ATP9A: variants seen among roughly 807,000 people sequenced by gnomAD.
ATP9A encodes probable phospholipid-transporting ATPase IIA.
ATP9A carries 52 observed loss-of-function variants against 144.1 expected under a neutral mutation model. That is an observed-to-expected ratio of 0.36 (90% confidence interval 0.29 to 0.45). The LOEUF is 0.45. Ranked by LOEUF, ATP9A falls within the 20% of genes least tolerant of loss-of-function variation. The pLI, the probability that ATP9A is intolerant of heterozygous loss-of-function variation, is 1.00. For missense variants in ATP9A, 947 were observed against 1,392.7 expected, an observed-to-expected ratio of 0.68 and a Z score of 5.09; for synonymous variants, 582 against 557.4, an observed-to-expected ratio of 1.04 and a Z score of -0.62.
At chr20:51,643,601 GGCCCTCA>G (rs1257164155) in intron 14 of ATP9A, among the ~76,000 whole-genome samples, 1 of 152,080 alleles carries the variant, frequency 6.6e-6, no homozygotes, top group Non-Finnish European at 1.5e-5. Flanking sequence ...CCAGGAAACA[GGCCCTCA>G]CCAGACACCA....
chr20:51,678,184 C>T, intron 9 of ATP9A, among the ~76,000 whole-genome samples: 1 of 151,976 alleles, frequency 6.6e-6, no homozygotes, highest in East Asian at 1.9e-4. Flanking sequence ...TCTCCATTCA[C>T]ATCATCTGAG....
chr20:51,678,421 G>T (rs2077486336), intron 9 of ATP9A, among the ~76,000 whole-genome samples: 1 of 152,166 alleles, frequency 6.6e-6, no homozygotes, highest in South Asian at 2.1e-4. Flanking sequence ...CCACGTCCTG[G>T]ACAAAGAGCC....
intron 9 of ATP9A, among the ~76,000 whole-genome samples, chr20:51,686,224 G>T (rs1439147146): frequency 6.6e-6 from 1 of 151,846 alleles, no homozygotes; most frequent in African/African-American, 2.4e-5. Flanking sequence ...CGTGGCGTGG[G>T]GGAGTGGGGA....
At chr20:51,754,589 A>T (rs1338296226) in intron 1 of ATP9A, among the ~76,000 whole-genome samples, 7 of 151,840 alleles carry the variant, frequency 4.6e-5, no homozygotes, top group African/African-American at 1.7e-4. Flanking sequence ...AAAAGTGGAC[A>T]AATCACCTGA....
intron 9 of ATP9A, among the ~76,000 whole-genome samples, chr20:51,683,228 A>G (rs1258682892): frequency 3.3e-5 from 5 of 152,108 alleles, no homozygotes; most frequent in Non-Finnish European, 5.9e-5. Flanking sequence ...CTAGGACCAA[A>G]GGCACACAAC....
intron 4 of ATP9A, among the ~76,000 whole-genome samples, chr20:51,698,407 C>T (rs569186026): frequency 2.0e-5 from 3 of 152,274 alleles, no homozygotes; most frequent in African/African-American, 7.2e-5. Context: ...CCTATAGTCC[C>T]GGCTATTCGA....
At chr20:51,619,185 C>A in intron 19 of ATP9A, 142 bp from the exon 20 acceptor site, 1 of 656,920 alleles carries the variant, frequency 1.5e-6, no homozygotes, top group Non-Finnish European at 2.7e-6. Flanking sequence ...AGAGGCAGCA[C>A]CAAATGGAAT....
intron 1 of ATP9A, among the ~76,000 whole-genome samples, chr20:51,760,155 C>G (rs777330983): frequency 6.6e-6 from 1 of 152,148 alleles, no homozygotes; most frequent in Non-Finnish European, 1.5e-5. Flanking sequence ...CACAGGAAGG[C>G]TGGGATGTGC....
intron 1 of ATP9A, among the ~76,000 whole-genome samples, chr20:51,732,148 G>C (rs149864736): frequency 6.6e-6 from 1 of 152,172 alleles, no homozygotes; most frequent in African/African-American, 2.4e-5. Flanking sequence ...AATCTGGGCT[G>C]CTCTGGCAAA....
At chr20:51,669,905 G>T in intron 13 of ATP9A, 92 bp downstream of exon 13, 3 of 870,480 alleles carry the variant, frequency 3.4e-6, no homozygotes, top group South Asian at 2.9e-5. Flanking sequence ...TGAAATGGGT[G>T]AATTGTACGG....
intron 1 of ATP9A, among the ~76,000 whole-genome samples, chr20:51,750,163 A>C (rs2077825285): frequency 6.6e-6 from 1 of 152,100 alleles, no homozygotes; most frequent in South Asian, 2.1e-4. Flanking sequence ...CTCCAAAATA[A>C]ATAAAAATAA....
chr20:51,726,627 G>A (rs1337351526), intron 2 of ATP9A, among the ~76,000 whole-genome samples: 8 of 152,090 alleles, frequency 5.3e-5, no homozygotes, highest in African/African-American at 1.9e-4. Context: ...CACCCAGCCT[G>A]GAGTCCAGTG....
intron 4 of ATP9A, among the ~76,000 whole-genome samples, chr20:51,708,180 A>G (rs2077622463): frequency 3.3e-5 from 5 of 152,088 alleles, no homozygotes. Flanking sequence ...GGCTGGGCAC[A>G]GTGGCTCACA....
At chr20:51,638,624 A>G (rs1433791922) in intron 15 of ATP9A, among the ~76,000 whole-genome samples, 4 of 152,256 alleles carry the variant, frequency 2.6e-5, no homozygotes, top group Admixed American at 2.6e-4. Flanking sequence ...GCACTTTGGG[A>G]GTCCCAGGCA....
intron 1 of ATP9A, among the ~76,000 whole-genome samples, chr20:51,745,748 T>C (rs2077805408): frequency 6.6e-6 from 1 of 152,194 alleles, no homozygotes; most frequent in African/African-American, 2.4e-5. Context: ...GGAATCATTC[T>C]ATACTGCACC....
intron 5 of ATP9A, among the ~76,000 whole-genome samples, chr20:51,696,997 C>A (rs1184666997): frequency 2.0e-5 from 3 of 152,054 alleles, no homozygotes; most frequent in African/African-American, 7.2e-5. Context: ...AACCCCTGCT[C>A]CCCATAAAAT....
intron 3 of ATP9A, among the ~76,000 whole-genome samples, chr20:51,723,604 T>G (rs1199521517): frequency 1.3e-5 from 2 of 148,726 alleles, no homozygotes; most frequent in African/African-American, 5.0e-5. Flanking sequence ...CTCGCTCTGT[T>G]GACCAGGCTG....
chr20:51,693,452 A>G (rs1384724339), intron 7 of ATP9A, among the ~76,000 whole-genome samples: 1 of 152,198 alleles, frequency 6.6e-6, no homozygotes, highest in Non-Finnish European at 1.5e-5. Context: ...AAGGAGCTGA[A>G]GACGACAGCA....
intron 1 of ATP9A, among the ~76,000 whole-genome samples, chr20:51,731,375 T>G (rs2077740478): frequency 6.6e-6 from 1 of 151,880 alleles, no homozygotes; most frequent in Non-Finnish European, 1.5e-5. Context: ...TTTAAGAAAA[T>G]AAATATATCA....
Sources: gnomAD v4.1 joint callset for allele counts (sites outside exome capture counted in the v4.1 genomes callset) on GRCh38, gnomAD v4.1.1 for gene constraint, MANE v1.5 for transcripts, NCBI Gene and HGNC (gene_info 2026-07-23, HGNC 2026-07-21) for gene names.